Variants in RAB6B observed in about 807,000 individuals in gnomAD.
RAB6B encodes ras-related protein Rab-6B.
A neutral mutation model predicts 31.2 loss-of-function variants in RAB6B; 7 were observed. The ratio of observed to expected loss-of-function variants is 0.22; its 90% CI spans 0.13 to 0.42. RAB6B has a LOEUF of 0.42. Ranked by LOEUF, RAB6B falls within the 10% of genes least tolerant of loss-of-function variation. The pLI is 1.00. For synonymous variants in RAB6B, 105 were observed against 104.9 expected, an observed-to-expected ratio of 1.00 and a Z score of -0.01; for missense variants, 149 against 280.6, an observed-to-expected ratio of 0.53 and a Z score of 3.35.
At chr3:133,881,403 T>C (rs942451819) in intron 1 of RAB6B, among the ~76,000 whole-genome samples, 1 of 152,202 alleles carries the variant, frequency 6.6e-6, no homozygotes, top group Non-Finnish European at 1.5e-5. Flanking sequence ...CTGCTCTTCT[T>C]ACTCCTGCTT....
At chr3:133,894,113 C>A (rs1936673341) in intron 1 of RAB6B, among the ~76,000 whole-genome samples, 1 of 152,240 alleles carries the variant, frequency 6.6e-6, no homozygotes, top group Non-Finnish European at 1.5e-5. Flanking sequence ...TAGCACTGTT[C>A]CTGGGCCCAC....
intron 1 of RAB6B, among the ~76,000 whole-genome samples, chr3:133,884,453 C>T (rs904191234): frequency 3.9e-5 from 6 of 152,224 alleles, no homozygotes; most frequent in Admixed American, 3.9e-4. Flanking sequence ...TCTCTGTTCT[C>T]CAAGGCATGG....
intron 1 of RAB6B, among the ~76,000 whole-genome samples, chr3:133,868,942 A>C (rs770447726): frequency 4.6e-5 from 7 of 152,192 alleles, no homozygotes; most frequent in Non-Finnish European, 1.0e-4. Context: ...GGATAGGAGC[A>C]CAGATTTGAG....
intron 1 of RAB6B, among the ~76,000 whole-genome samples, chr3:133,889,388 T>TTTTATATATATATA (rs1277081488): frequency 7.5e-5 from 6 of 80,274 alleles, no homozygotes; most frequent in African/African-American, 9.6e-5. Flanking sequence ...GGTTATTTTG[T>TTTTATATATATATA]TATATATATA....
intron 2 of RAB6B, among the ~76,000 whole-genome samples, chr3:133,851,018 G>GAAAA (rs57648730): frequency 9.5e-6 from 1 of 105,660 alleles, no homozygotes. Context: ...AAGTGTTCAA[G>GAAAA]AAAAAAAAAA....
chr3:133,825,353 C>G lies in RAB6B; in HGVS notation c.*3435G>C, dbSNP rs964943241. On this transcript the variant is annotated 3_prime_UTR_variant, in exon 8 of 8. Transcript: ENST00000285208. The stretch of plus-strand genomic sequence containing the variant: ...GTTGCACCCCAGATGTGTCTGCACT[C>G]TTAACTACCACCATTTCAATCCTTG... 1.3e-5 allele frequency: 2 copies of G among 152,276 alleles called. No homozygotes were observed. The highest frequency in any genetic ancestry group is 4.8e-5 in the African/African-American group (2 of 41,460). 9.4% of individuals were successfully genotyped at this position (152,276 alleles called of 1,614,324 possible). A position where few individuals can be genotyped will look rare whatever the true frequency, so the allele number is the denominator to read the frequency against.
intron 1 of RAB6B, among the ~76,000 whole-genome samples, chr3:133,874,507 T>C (rs1030154791): frequency 2.0e-5 from 3 of 152,220 alleles, no homozygotes; most frequent in Non-Finnish European, 4.4e-5. Context: ...AACAGAGCCA[T>C]AGGACTGGAA....
At chr3:133,856,623 C>A (rs1165345278) in intron 2 of RAB6B, among the ~76,000 whole-genome samples, 1 of 152,176 alleles carries the variant, frequency 6.6e-6, no homozygotes, top group Non-Finnish European at 1.5e-5. Flanking sequence ...GGTGAGCCCA[C>A]CAGTAGCTCC....
chr3:133,842,114 G>C (rs1041720531), intron 2 of RAB6B, among the ~76,000 whole-genome samples: 2 of 152,234 alleles, frequency 1.3e-5, no homozygotes. Context: ...TGGGAGGCAG[G>C]GGGCAGGAGC....
In RAB6B at chr3:133,841,331, G is replaced by A. The variant is rs1301620711; in HGVS notation, c.243C>T (p.Ser81=). ...CAGCCACCGTGGAGTCCCGGATGTA[G>A]CTGGGGATCAGGCTGCGGAACCTCT... ...GQERFRSLIP[S]YIRDSTVAVV... The change falls in exon 4 of 8, where the codon AGC becomes AGT. Residue 81 remains serine (S), a synonymous_variant. Transcript: ENST00000285208. 15 of 1,614,062 alleles carry A rather than the reference G, an allele frequency of 9.3e-6. No individual in the cohort carries two copies. The highest frequency in any genetic ancestry group is 1.3e-5 in the Non-Finnish European group (15 of 1,180,030).
chr3:133,865,599 G>A (rs1004088224), intron 1 of RAB6B, among the ~76,000 whole-genome samples: 4 of 152,228 alleles, frequency 2.6e-5, no homozygotes, highest in Admixed American at 6.5e-5. Context: ...GAGGCTCAGT[G>A]GGGAATCTGC....
intron 1 of RAB6B, among the ~76,000 whole-genome samples, chr3:133,871,845 C>T (rs546557079): frequency 5.9e-5 from 9 of 152,340 alleles, no homozygotes; most frequent in East Asian, 1.9e-4. Flanking sequence ...AGTCTGCTCT[C>T]GGCTGTGCAT....
At chr3:133,859,994 G>A (rs571750475) in intron 2 of RAB6B, among the ~76,000 whole-genome samples, 2 of 152,198 alleles carry the variant, frequency 1.3e-5, no homozygotes, top group Non-Finnish European at 2.9e-5. Context: ...TCACCAGGTC[G>A]AGATGCTGGG....
intron 1 of RAB6B, among the ~76,000 whole-genome samples, chr3:133,873,643 G>A (rs1159837288): frequency 1.3e-5 from 2 of 152,170 alleles, no homozygotes; most frequent in African/African-American, 4.8e-5. Context: ...AAGGTTTACT[G>A]AGGTACAATC....
At chr3:133,875,571 G>A (rs2715619) in intron 1 of RAB6B, among the ~76,000 whole-genome samples, 24,869 of 152,072 alleles carry the variant, frequency 0.16, 2,694 homozygotes, top group African/African-American at 0.31. Context: ...AAAGCCCCCA[G>A]GCCCAGCCTG....
chr3:133,860,530 A>C (rs1200317413), intron 2 of RAB6B, among the ~76,000 whole-genome samples: 1 of 152,224 alleles, frequency 6.6e-6, no homozygotes, highest in South Asian at 2.1e-4. Flanking sequence ...ACTCTGCGGC[A>C]ATTTGTTAAG....
At chr3:133,878,285 C>A in intron 1 of RAB6B, among the ~76,000 whole-genome samples, 1 of 151,878 alleles carries the variant, frequency 6.6e-6, no homozygotes, top group African/African-American at 2.4e-5. Flanking sequence ...TAAAAGTAGT[C>A]AGAGAAAAAA....
intron 2 of RAB6B, among the ~76,000 whole-genome samples, chr3:133,852,889 T>C (rs1936007837): frequency 6.6e-6 from 1 of 152,184 alleles, no homozygotes; most frequent in Non-Finnish European, 1.5e-5. Context: ...GCCACTAGTA[T>C]GTGGGAGCCA....
At chr3:133,837,218 A>G (rs1157063186) in intron 6 of RAB6B, among the ~76,000 whole-genome samples, 5 of 152,168 alleles carry the variant, frequency 3.3e-5, no homozygotes, top group Non-Finnish European at 5.9e-5. Flanking sequence ...CCCCTCTGGC[A>G]ATCTGGTTAA....
Sources: gnomAD v4.1 joint callset for allele counts (sites outside exome capture counted in the v4.1 genomes callset) on GRCh38, gnomAD v4.1.1 for gene constraint, MANE v1.5 for transcripts, NCBI Gene and HGNC (gene_info 2026-07-23, HGNC 2026-07-21) for gene names.